Variants in HIPK3 observed in about 807,000 individuals in gnomAD.
HIPK3 encodes homeodomain-interacting protein kinase 3.
A neutral mutation model predicts 124.2 loss-of-function variants in HIPK3; 47 were observed. The observed-to-expected ratio is 0.38, with a 90% CI of 0.30 to 0.48. The LOEUF (loss-of-function observed/expected upper bound fraction) is 0.48. Ranked by LOEUF, HIPK3 falls within the 20% of genes least tolerant of loss-of-function variation. The pLI, the probability that HIPK3 is intolerant of heterozygous loss-of-function variation, is 0.98. For missense variants in HIPK3, 1,286 were observed against 1,454.3 expected (o/e 0.88, Z 1.88); for synonymous variants, 482 against 515.2 (o/e 0.94, Z 0.87).
chr11:33,303,731 A>T (rs1261547215), intron 2 of HIPK3, among the ~76,000 whole-genome samples: 4 of 152,164 alleles, frequency 2.6e-5, no homozygotes, highest in African/African-American at 4.8e-5. Flanking sequence ...GCCACCATGA[A>T]AGAGTGCCAG....
At chr11:33,262,321 T>C (rs1230038840) in intron 1 of HIPK3, among the ~76,000 whole-genome samples, 1 of 152,244 alleles carries the variant, frequency 6.6e-6, no homozygotes, top group African/African-American at 2.4e-5. Context: ...CTTGTCTTAG[T>C]CACTTGTAGG....
intron 3 of HIPK3, 99 bp from the exon 4 acceptor site, chr11:33,336,976 T>C (rs892926194): frequency 1.3e-4 from 97 of 766,888 alleles, no homozygotes; most frequent in Non-Finnish European, 2.0e-4. Flanking sequence ...GCATAGACTA[T>C]GTATTTTCAT....
chr11:33,322,886 A>G (rs1319909637), intron 2 of HIPK3, among the ~76,000 whole-genome samples: 1 of 152,152 alleles, frequency 6.6e-6, no homozygotes, highest in East Asian at 1.9e-4. Context: ...TGTTCCATCA[A>G]AGGCATTTTC....
At position 33,312,437 on chromosome 11, in the gene HIPK3, A is replaced by C. The variant is rs266460; in HGVS notation, c.1098-16073A>C. 5.1e-3 allele frequency among the ~76,000 whole-genome samples: 769 copies of C among 152,262 alleles called. 1 individual carries two copies. Among genetic ancestry groups the C allele is most frequent in the African/African-American group, 0.017 (717 of 41,532 alleles). ...TTGGCTATTCCGTATGATATCAAAA[A>C]CCTGAGAATTTCATTTAAAATACAG... On this transcript the variant is annotated intron_variant, in intron 2 of 16. Coordinates refer to ENST00000303296, the MANE Select transcript of HIPK3 (RefSeq NM_005734.5).
chr11:33,329,718 A>G (rs1852916893), intron 3 of HIPK3, among the ~76,000 whole-genome samples: 2 of 152,100 alleles, frequency 1.3e-5, no homozygotes, highest in South Asian at 2.1e-4. Flanking sequence ...AAAATTTTCC[A>G]TACATCCTGT....
At position 33,348,831 on chromosome 11, in the gene HIPK3, C is replaced by T. The variant is rs368057701; in HGVS notation, c.2666+13C>T. ...ATTCACTCAGAGAGTAAGTGCCAAA[C>T]GCTGCATCCTCAAAGGATATAGATG... On this transcript the variant is annotated intron_variant, in intron 13 of 16. Coordinates refer to ENST00000303296, the MANE Select transcript of HIPK3 (RefSeq NM_005734.5). 2.7e-5 allele frequency: 43 copies of T among 1,606,860 alleles called. 1 individual carries two copies. The highest frequency in any genetic ancestry group is 5.3e-5 in the African/African-American group (4 of 74,822).
intron 1 of HIPK3, among the ~76,000 whole-genome samples, chr11:33,266,786 C>A (rs543641469): frequency 1.3e-5 from 2 of 152,070 alleles, no homozygotes; most frequent in East Asian, 1.9e-4. Flanking sequence ...TTGCCAAGTC[C>A]TGATGGAAAA....
chr11:33,306,584 T>C (rs1193844881), intron 2 of HIPK3, among the ~76,000 whole-genome samples: 1 of 152,230 alleles, frequency 6.6e-6, no homozygotes, highest in Non-Finnish European at 1.5e-5. Flanking sequence ...TAATTTTAGT[T>C]CTGCCACTTA....
chr11:33,269,976 A>G (rs1204122412), intron 1 of HIPK3, among the ~76,000 whole-genome samples: 2 of 151,486 alleles, frequency 1.3e-5, no homozygotes, highest in African/African-American at 2.4e-5. Context: ...ATACCTGTAT[A>G]TGGTTTTTTA....
At chr11:33,275,779 C>T (rs1851255388) in intron 1 of HIPK3, among the ~76,000 whole-genome samples, 1 of 152,180 alleles carries the variant, frequency 6.6e-6, no homozygotes, top group Admixed American at 6.5e-5. Flanking sequence ...TGACCAACAG[C>T]TTTAAAAACT....
At chr11:33,257,377 G>T, upstream of HIPK3, 1 of 985,014 alleles carries the variant, frequency 1.0e-6, no homozygotes. Context: ...AGGCTGGGGC[G>T]GCTGGTGGCA....
intron 2 of HIPK3, among the ~76,000 whole-genome samples, chr11:33,307,446 T>G (rs1395462660): frequency 2.0e-5 from 3 of 149,286 alleles, no homozygotes; most frequent in Admixed American, 6.7e-5. Flanking sequence ...TCGCCCAGGC[T>G]GGAGTGCAGT....
intron 2 of HIPK3, among the ~76,000 whole-genome samples, chr11:33,301,377 A>G (rs985832623): frequency 1.3e-5 from 2 of 152,106 alleles, no homozygotes; most frequent in African/African-American, 4.8e-5. Context: ...TGATTATGTT[A>G]TTATTTTTGA....
chr11:33,271,826 T>G (rs968881790), intron 1 of HIPK3, among the ~76,000 whole-genome samples: 1 of 152,226 alleles, frequency 6.6e-6, no homozygotes. Context: ...CAGATAATTA[T>G]GAAGAAAACT....
In HIPK3 at chr11:33,299,278, A is replaced by T. The variant is rs376173223; in HGVS notation, c.1097+11767A>T. On this transcript the variant is annotated intron_variant, in intron 2 of 16. Transcript: ENST00000303296. ...CACGAGGTCAGGAGTTCAAGACCAG[A>T]TTGACCAATATGGTGAAACCCTGTC... Among the ~76,000 whole-genome samples the T allele has an allele frequency of 1.1e-4, 17 of 150,916 alleles. No homozygotes were observed. In the East Asian group the frequency reaches 3.4e-3, roughly 30 times the overall value.
At chr11:33,282,732 G>A (rs1851445140) in intron 1 of HIPK3, among the ~76,000 whole-genome samples, 1 of 152,024 alleles carries the variant, frequency 6.6e-6, no homozygotes, top group Non-Finnish European at 1.5e-5. Flanking sequence ...TGAGTCTATG[G>A]GTATGGGTTA....
intron 2 of HIPK3, among the ~76,000 whole-genome samples, chr11:33,292,670 A>G (rs1196852642): frequency 2.6e-5 from 4 of 152,224 alleles, no homozygotes; most frequent in Admixed American, 6.5e-5. Flanking sequence ...GGGAACCTTT[A>G]TTAGACAAAT....
chr11:33,286,782 A>G lies in HIPK3; in HGVS notation c.368A>G (p.Gln123Arg), dbSNP rs1265193027. Reference sequence around the variant, plus strand: ...AGATTGCATTTCCTAGAAGGCCCCCAGCGATGTGGATTGAAGCGCAAGAGT... The same window carrying G: ...AGATTGCATTTCCTAGAAGGCCCCCGGCGATGTGGATTGAAGCGCAAGAGT... ...RNRLHFLEGP[Q>R]RCGLKRKSEE... is the part of the protein sequence containing the mutation. The change falls in exon 2 of 17, where the codon CAG (glutamine) becomes CGG (arginine). Residue 123 changes from glutamine to arginine, a missense_variant. By Grantham distance (43) the Gln-to-Arg change is conservative. This residue lies in a region of HIPK3 where 225 missense variants were observed against 240.3 expected (regional missense o/e 0.94). Transcript: ENST00000303296. The G allele has an allele frequency of 6.2e-7, 1 of 1,614,128 alleles. No homozygotes were observed. Among genetic ancestry groups the G allele is most frequent in the Non-Finnish European group, 8.5e-7 (1 of 1,180,040 alleles).
chr11:33,329,643 T>TAA (rs1852914467), intron 3 of HIPK3, among the ~76,000 whole-genome samples: 1 of 152,230 alleles, frequency 6.6e-6, no homozygotes, highest in Non-Finnish European at 1.5e-5. Context: ...CCTTCCCTTT[T>TAA]AGGTTAGGTT....
Sources: gnomAD v4.1 joint callset for allele counts (sites outside exome capture counted in the v4.1 genomes callset) on GRCh38, gnomAD v4.1.1 for gene constraint, gnomAD v4.1.1 regional missense constraint, MANE v1.5 for transcripts, NCBI Gene and HGNC (gene_info 2026-07-23, HGNC 2026-07-21) for gene names.